Variants in CCDC30 observed in about 807,000 individuals in gnomAD.
The protein encoded by CCDC30 is coiled-coil domain containing 30.
Under a neutral mutation model 100.2 loss-of-function variants are expected in CCDC30, and 70 were observed. The observed-to-expected ratio is 0.70, with a 90% CI of 0.58 to 0.85. CCDC30 has a LOEUF of 0.85. Among genes scored for constraint, CCDC30 ranks in the 40% least tolerant of loss-of-function variants. The pLI is 0.00. For synonymous variants in CCDC30, 233 were observed against 269.5 expected (o/e 0.86, Z 1.33); for missense variants, 652 against 771.2 (o/e 0.85, Z 1.83).
rs538012763 is a variant in CCDC30, at chr1:42,551,040, G to T, written c.457-15256G>T. Among the ~76,000 whole-genome samples the T allele has an allele frequency of 1.4e-4, 22 of 152,228 alleles. No homozygotes were observed. In the South Asian group the frequency reaches 4.6e-3, roughly 32 times the overall value. The stretch of plus-strand genomic sequence containing the variant: ...CACAATGTGCTGGTTTGTTACATAT[G>T]TATACATGTGCCATGTTGGTGTGCT... On this transcript the variant is annotated intron_variant, in intron 6 of 16. Coordinates refer to ENST00000668663, the Ensembl canonical transcript of CCDC30.
chr1:42,610,884 C>CTT (rs34595968), intron 10 of CCDC30, 94 bp from the exon 15 acceptor site: 48 of 486,630 alleles, frequency 9.9e-5, no homozygotes, highest in African/African-American at 1.7e-4. Flanking sequence ...TGACTATAAG[C>CTT]TTTTTTTTTT....
chr1:42,608,716 CAAAAAAAAAAAAAAA>C (rs3044834), intron 10 of CCDC30, among the ~76,000 whole-genome samples: 1 of 55,416 alleles, frequency 1.8e-5, no homozygotes, highest in African/African-American at 7.5e-5. Context: ...CTCTCTGTCT[CAAAAAAAAAAAAAAA>C]AAAAAAAAAG....
intron 7 of CCDC30, among the ~76,000 whole-genome samples, chr1:42,575,504 G>T (rs903216645): frequency 5.3e-5 from 8 of 151,842 alleles, no homozygotes; most frequent in Non-Finnish European, 1.0e-4. Flanking sequence ...AAAAAAATTA[G>T]CTGGGCATGG....
At chr1:42,591,581 G>C (rs1265269410) in intron 10 of CCDC30, 1 of 152,342 alleles carries the variant, frequency 6.6e-6, no homozygotes, top group African/African-American at 2.4e-5. Flanking sequence ...GGGTGCCCAG[G>C]CAGAACCCTG....
At chr1:42,635,321 C>T (rs1029683220) in intron 11 of CCDC30, among the ~76,000 whole-genome samples, 2 of 151,476 alleles carry the variant, frequency 1.3e-5, no homozygotes, top group Admixed American at 6.6e-5. Context: ...GCTGGGATTA[C>T]AGGTGTGAGC....
intron 11 of CCDC30, among the ~76,000 whole-genome samples, chr1:42,631,532 G>A (rs1647037470): frequency 6.6e-6 from 1 of 152,188 alleles, no homozygotes. Context: ...CAGATGCAAA[G>A]CCAGCAAGGC....
At chr1:42,609,675 G>A (rs1003678487) in intron 10 of CCDC30, among the ~76,000 whole-genome samples, 1 of 152,214 alleles carries the variant, frequency 6.6e-6, no homozygotes, top group Admixed American at 6.5e-5. Context: ...TGTAGTTACA[G>A]GATTGGAGAC....
chr1:42,550,928 G>T (rs777451804), intron 6 of CCDC30, among the ~76,000 whole-genome samples: 19 of 152,002 alleles, frequency 1.2e-4, no homozygotes, highest in Non-Finnish European at 2.6e-4. Context: ...CCCCTATTCT[G>T]TTCTACTAGG....
intron 10 of CCDC30, among the ~76,000 whole-genome samples, chr1:42,609,019 A>G (rs188338051): frequency 6.6e-6 from 1 of 152,336 alleles, no homozygotes. Context: ...TTTGTACTGT[A>G]TAGAAATATT....
chr1:42,557,039 A>G (rs1159726084), intron 6 of CCDC30, among the ~76,000 whole-genome samples: 1 of 152,152 alleles, frequency 6.6e-6, no homozygotes, highest in Non-Finnish European at 1.5e-5. Flanking sequence ...CTTACACCTC[A>G]TTTTACAGGT....
At chr1:42,501,596 T>C (rs1372947655) in intron 6 of CCDC30, among the ~76,000 whole-genome samples, 1 of 152,206 alleles carries the variant, frequency 6.6e-6, no homozygotes, top group Non-Finnish European at 1.5e-5. Flanking sequence ...TTATCTACCT[T>C]TGGTCTTTGA....
intron 6 of CCDC30, among the ~76,000 whole-genome samples, chr1:42,502,869 A>G (rs970680312): frequency 6.6e-6 from 1 of 152,126 alleles, no homozygotes. Context: ...TTAGTACTTT[A>G]TCCCTTTCTG....
At chr1:42,573,774 A>T (rs890012691) in intron 7 of CCDC30, among the ~76,000 whole-genome samples, 1 of 152,098 alleles carries the variant, frequency 6.6e-6, no homozygotes, top group Non-Finnish European at 1.5e-5. Context: ...AAAAATATTT[A>T]TTACATTAAG....
chr1:42,497,277 G>A, intron 5 of CCDC30, 64 bp downstream of exon 5: 2 of 946,576 alleles, frequency 2.1e-6, no homozygotes, highest in Non-Finnish European at 2.8e-6. Flanking sequence ...AACAGCATAA[G>A]CAACACAGGT....
intron 3 of CCDC30, 152 bp downstream of exon 3, chr1:42,482,968 C>G: frequency 1.8e-6 from 1 of 543,388 alleles, no homozygotes; most frequent in Middle Eastern, 3.4e-4. Context: ...TTCTACCATG[C>G]TAGGAATTTT....
chr1:42,655,892 G>A (rs1318157755), downstream of CCDC30, among the ~76,000 whole-genome samples: 1 of 22,738 alleles, frequency 4.4e-5, no homozygotes, highest in Non-Finnish European at 9.7e-5. Context: ...TTTTTTTTTT[G>A]AGACAGGGTC....
intron 6 of CCDC30, among the ~76,000 whole-genome samples, chr1:42,515,146 A>G (rs1438399163): frequency 6.6e-6 from 1 of 151,954 alleles, no homozygotes; most frequent in African/African-American, 2.4e-5. Flanking sequence ...GAAGACAGTC[A>G]TACACAGAGA....
At chr1:42,503,030 G>A (rs552311660) in intron 6 of CCDC30, among the ~76,000 whole-genome samples, 31 of 152,106 alleles carry the variant, frequency 2.0e-4, no homozygotes, top group African/African-American at 7.0e-4. Flanking sequence ...CTATAAATGC[G>A]CACCACCACA....
chr1:42,655,063 A>G (rs1648615751), downstream of CCDC30, among the ~76,000 whole-genome samples: 1 of 152,064 alleles, frequency 6.6e-6, no homozygotes, highest in Non-Finnish European at 1.5e-5. Context: ...AAGTACATAT[A>G]TTCTAAGTGG....
Sources: gnomAD v4.1 joint callset for allele counts (sites outside exome capture counted in the v4.1 genomes callset) on GRCh38, gnomAD v4.1.1 for gene constraint, MANE v1.5 for transcripts, NCBI Gene and HGNC (gene_info 2026-07-23, HGNC 2026-07-21) for gene names.